The following KCNQ5 variants were observed in gnomAD, a reference collection of about 807,000 sequenced individuals.
KCNQ5 encodes the protein potassium voltage-gated channel subfamily Q member 5.
KCNQ5 carries 30 observed loss-of-function variants against 98.2 expected under a neutral mutation model. The ratio of observed to expected loss-of-function variants is 0.31; its 90% CI spans 0.23 to 0.41. KCNQ5 has a LOEUF of 0.41. KCNQ5 is among the 10% of genes least tolerant of loss of function. The pLI, the probability that KCNQ5 is intolerant of heterozygous loss-of-function variation, is 1.00. For synonymous variants in KCNQ5, 458 were observed against 449.4 expected, an observed-to-expected ratio of 1.02 and a Z score of -0.24; for missense variants, 835 against 1,182.5, an observed-to-expected ratio of 0.71 and a Z score of 4.31.
chr6:72,940,124 A>G (rs1562081164), intron 1 of KCNQ5, among the ~76,000 whole-genome samples: 1 of 152,208 alleles, frequency 6.6e-6, no homozygotes, highest in Non-Finnish European at 1.5e-5. Flanking sequence ...TTAAGCTTGA[A>G]CATTCTTTGA....
intron 2 of KCNQ5, among the ~76,000 whole-genome samples, chr6:73,040,379 G>T (rs1013078431): frequency 1.3e-5 from 2 of 152,140 alleles, no homozygotes; most frequent in African/African-American, 4.8e-5. Flanking sequence ...AACCTAGGTT[G>T]GGCACAGGCA....
intron 1 of KCNQ5, among the ~76,000 whole-genome samples, chr6:72,746,601 C>G (rs989099202): frequency 6.6e-6 from 1 of 152,158 alleles, no homozygotes; most frequent in African/African-American, 2.4e-5. Context: ...TTTTCTTCCT[C>G]TTGCTTCAAC....
At position 73,104,891 on chromosome 6, in the gene KCNQ5, G is replaced by A. The variant is rs550968366; in HGVS notation, c.919-366G>A. 6.6e-5 allele frequency among the ~76,000 whole-genome samples: 10 copies of A among 152,262 alleles called. 1 individual carries two copies. In the South Asian group the frequency reaches 2.1e-3, roughly 32 times the overall value. The stretch of plus-strand genomic sequence containing the variant: ...CAGACCTTCAGGAAATGCCTGCTAA[G>A]GTAACGAAGGGACAGCCTAAATTAA... On this transcript the variant is annotated intron_variant, in intron 5 of 13. Transcript: ENST00000370398.
intron 1 of KCNQ5, among the ~76,000 whole-genome samples, chr6:72,923,802 T>C (rs1241248216): frequency 6.6e-6 from 1 of 152,164 alleles, no homozygotes; most frequent in Non-Finnish European, 1.5e-5. Context: ...CAGTATTTGG[T>C]TTTTTGTTCC....
chr6:73,021,498 T>C (rs540022539), intron 2 of KCNQ5, among the ~76,000 whole-genome samples: 14 of 152,340 alleles, frequency 9.2e-5, no homozygotes, highest in African/African-American at 3.4e-4. Context: ...TCTTTCATTA[T>C]TGGTTTTATT....
chr6:72,923,805 T>C (rs1780509904), intron 1 of KCNQ5, among the ~76,000 whole-genome samples: 1 of 152,222 alleles, frequency 6.6e-6, no homozygotes, highest in African/African-American at 2.4e-5. Flanking sequence ...TATTTGGTTT[T>C]TTGTTCCTGC....
intron 5 of KCNQ5, among the ~76,000 whole-genome samples, chr6:73,087,126 C>A (rs1235028046): frequency 6.6e-6 from 1 of 152,110 alleles, no homozygotes; most frequent in Non-Finnish European, 1.5e-5. Context: ...GAAAATGATA[C>A]CCCTTGCAGG....
chr6:72,928,893 A>C (rs180837531), intron 1 of KCNQ5, among the ~76,000 whole-genome samples: 1 of 152,214 alleles, frequency 6.6e-6, no homozygotes, highest in Admixed American at 6.6e-5. Flanking sequence ...GATTTATTAA[A>C]CATTCTGTGC....
chr6:72,632,500 A>C (rs912441856), intron 1 of KCNQ5, among the ~76,000 whole-genome samples: 3 of 151,760 alleles, frequency 2.0e-5, no homozygotes, highest in African/African-American at 7.3e-5. Context: ...GTACTTGTGC[A>C]GGTTTGTTAC....
chr6:72,743,588 C>A (rs1771234207), intron 1 of KCNQ5, among the ~76,000 whole-genome samples: 1 of 152,092 alleles, frequency 6.6e-6, no homozygotes, highest in Non-Finnish European at 1.5e-5. Context: ...GCAGTAAACC[C>A]TTTTAAAATC....
chr6:73,051,729 A>C (rs1383335727), intron 3 of KCNQ5, among the ~76,000 whole-genome samples: 4 of 150,018 alleles, frequency 2.7e-5, no homozygotes, highest in African/African-American at 7.5e-5. Context: ...AAAAAAAAAA[A>C]AAAAAAAAAA....
At chr6:72,681,495 C>G (rs1003301258) in intron 1 of KCNQ5, among the ~76,000 whole-genome samples, 1 of 152,168 alleles carries the variant, frequency 6.6e-6, no homozygotes, top group Non-Finnish European at 1.5e-5. Context: ...AACTGAAATT[C>G]AAACCCAGAT....
At chr6:72,647,142 A>G (rs1451909876) in intron 1 of KCNQ5, among the ~76,000 whole-genome samples, 1 of 152,260 alleles carries the variant, frequency 6.6e-6, no homozygotes, top group Non-Finnish European at 1.5e-5. Flanking sequence ...TTGAGTGGTA[A>G]CAACAGTGAT....
intron 3 of KCNQ5, among the ~76,000 whole-genome samples, chr6:73,046,834 G>T (rs928899790): frequency 1.3e-5 from 2 of 151,920 alleles, no homozygotes. Flanking sequence ...GTAGAGATAG[G>T]ATTTCACCGT....
rs550462343 is a variant in KCNQ5, at chr6:73,041,438, G to A, written c.490-498G>A. 7.2e-5 allele frequency among the ~76,000 whole-genome samples: 11 copies of A among 152,252 alleles called. No homozygotes were observed. In the South Asian group the frequency reaches 1.2e-3, roughly 17 times the overall value. On this transcript the variant is annotated intron_variant, in intron 2 of 13. Coordinates refer to ENST00000370398, the MANE Select transcript of KCNQ5 (RefSeq NM_019842.4). The stretch of plus-strand genomic sequence containing the variant: ...TATAAGGAGATTTTGACACTGTAAC[G>A]AAAGAATTCAGTATACTTCGAAATA...
At chr6:72,637,972 A>C (rs185542058) in intron 1 of KCNQ5, among the ~76,000 whole-genome samples, 44 of 152,346 alleles carry the variant, frequency 2.9e-4, no homozygotes, top group East Asian at 2.5e-3. Context: ...AGATCCATCA[A>C]GGAATAAACA....
At chr6:73,036,695 T>C (rs1771449666) in intron 2 of KCNQ5, among the ~76,000 whole-genome samples, 1 of 152,226 alleles carries the variant, frequency 6.6e-6, no homozygotes, top group African/African-American at 2.4e-5. Flanking sequence ...TTTTTATTAT[T>C]GAGTAGCATT....
chr6:73,038,319 AC>A (rs1259429550), intron 2 of KCNQ5, among the ~76,000 whole-genome samples: 1 of 149,688 alleles, frequency 6.7e-6, no homozygotes, highest in African/African-American at 2.4e-5. Flanking sequence ...GTAAATAGAG[AC>A]CATTTTATGT....
Position 73,120,575 on chromosome 6 carries a change from C to G in KCNQ5, c.1218C>G (p.Thr406=), listed in dbSNP as rs1459892595. 6.9e-6 allele frequency: 11 copies of G among 1,603,846 alleles called. No homozygotes were observed. The highest frequency in any genetic ancestry group is 9.4e-6 in the Non-Finnish European group (11 of 1,172,300). Residue 406 remains threonine (T), a splice_region_variant and synonymous_variant, in exon 8 of 14, where the codon ACC becomes ACG. Transcript: ENST00000370398. ...HLKALHTCSP[T]KKEQGEASSS... ...AGGCCTTGCACACCTGCAGCCCTAC[C>G]AAGTAGGTATCAGTGTGACAGCTGC...
Sources: gnomAD v4.1 joint callset for allele counts (sites outside exome capture counted in the v4.1 genomes callset) on GRCh38, gnomAD v4.1.1 for gene constraint, MANE v1.5 for transcripts, NCBI Gene and HGNC (gene_info 2026-07-23, HGNC 2026-07-21) for gene names.